DRC10: variants seen among roughly 807,000 people sequenced by gnomAD.
The protein encoded by DRC10 is IQ domain-containing protein D.
At chr12:113,214,107 G>C in the DRC10 span, among the ~76,000 whole-genome samples, 1 of 152,082 alleles carries the variant, frequency 6.6e-6, no homozygotes, top group Non-Finnish European at 1.5e-5. Flanking sequence ...TTTATCTGAG[G>C]CTTTCAAGTC....
At chr12:113,218,424 C>T in the DRC10 span, among the ~76,000 whole-genome samples, 1 of 151,608 alleles carries the variant, frequency 6.6e-6, no homozygotes, top group Non-Finnish European at 1.5e-5. Flanking sequence ...GATTTACAGG[C>T]GTGAGCCACC....
chr12:113,199,399 C>CATAAATAAATAAATAA, the DRC10 span, among the ~76,000 whole-genome samples: 573 of 150,780 alleles, frequency 3.8e-3, 1 homozygote, highest in East Asian at 6.5e-3. Context: ...CTGTCTCAAA[C>CATAAATAAATAAATAA]ATAAATAAAT....
the DRC10 span, among the ~76,000 whole-genome samples, chr12:113,220,846 C>T: frequency 1.1e-3 from 165 of 152,252 alleles, 1 homozygote; most frequent in African/African-American, 3.9e-3. Flanking sequence ...GCGAAAGGTC[C>T]AGACTAAGGC....
chr12:113,208,340 G>T, the DRC10 span: 1 of 1,417,060 alleles, frequency 7.1e-7, no homozygotes, highest in Non-Finnish European at 9.2e-7. Flanking sequence ...CACAACTGTT[G>T]ACATCAAGAG....
the DRC10 span, chr12:113,208,170 G>A: frequency 6.2e-7 from 1 of 1,609,122 alleles, no homozygotes; most frequent in Non-Finnish European, 8.5e-7. Context: ...AAGCCATCTT[G>A]TGAGCAGCCC....
At chr12:113,195,684 T>C in the DRC10 span, 1 of 1,613,684 alleles carries the variant, frequency 6.2e-7, no homozygotes, top group South Asian at 1.1e-5. Flanking sequence ...GCGCACCAGA[T>C]AGCCCTTCCA....
the DRC10 span, chr12:113,195,596 C>T: frequency 8.7e-6 from 14 of 1,602,964 alleles, no homozygotes; most frequent in South Asian, 2.2e-5. Flanking sequence ...CCTTGCCCTT[C>T]TCCTTGCCTT....
the DRC10 span, among the ~76,000 whole-genome samples, chr12:113,202,033 G>A: frequency 5.3e-5 from 8 of 152,220 alleles, no homozygotes; most frequent in Non-Finnish European, 2.9e-5. Context: ...CCCCAAGCTG[G>A]TTCTAGCACC....
chr12:113,209,868 G>A, the DRC10 span, among the ~76,000 whole-genome samples: 2 of 152,246 alleles, frequency 1.3e-5, no homozygotes, highest in Non-Finnish European at 2.9e-5. Flanking sequence ...GCTCACACCT[G>A]TAATCACAGC....
the DRC10 span, among the ~76,000 whole-genome samples, chr12:113,218,070 T>C: frequency 6.6e-6 from 1 of 152,032 alleles, no homozygotes; most frequent in African/African-American, 2.4e-5. Context: ...ATTGGCAGGA[T>C]AGTTCCCCAC....
At chr12:113,204,659 A>G in the DRC10 span, among the ~76,000 whole-genome samples, 1 of 152,190 alleles carries the variant, frequency 6.6e-6, no homozygotes, top group African/African-American at 2.4e-5. Flanking sequence ...GGTGGCTCAC[A>G]CATGTAATTC....
At chr12:113,198,774 T>A in the DRC10 span, among the ~76,000 whole-genome samples, 2 of 152,172 alleles carry the variant, frequency 1.3e-5, no homozygotes, top group Non-Finnish European at 2.9e-5. Flanking sequence ...TTAAAATGGT[T>A]TTATGTTATG....
At chr12:113,212,916 T>C in the DRC10 span, among the ~76,000 whole-genome samples, 2 of 152,230 alleles carry the variant, frequency 1.3e-5, no homozygotes, top group South Asian at 2.1e-4. Flanking sequence ...GAAACTTTAA[T>C]TGGATATTCC....
chr12:113,195,958 C>T, the DRC10 span: 3 of 1,516,366 alleles, frequency 2.0e-6, no homozygotes, highest in South Asian at 3.8e-5. Flanking sequence ...CCCTGAGGCC[C>T]CCTTACCCTT....
chr12:113,204,945 G>A, the DRC10 span, among the ~76,000 whole-genome samples: 1 of 150,604 alleles, frequency 6.6e-6, no homozygotes, highest in Non-Finnish European at 1.5e-5. Context: ...AAAATAGTTC[G>A]CTGATCCCTA....
At chr12:113,199,803 C>T in the DRC10 span, among the ~76,000 whole-genome samples, 1 of 152,112 alleles carries the variant, frequency 6.6e-6, no homozygotes, top group Non-Finnish European at 1.5e-5. Flanking sequence ...CTGCAGCCTC[C>T]AAACTCCTGG....
chr12:113,195,489 A>T, the DRC10 span: 2 of 1,464,700 alleles, frequency 1.4e-6, no homozygotes, highest in South Asian at 2.9e-5. Flanking sequence ...AAAACATGAA[A>T]GCCGTGAATT....
the DRC10 span, among the ~76,000 whole-genome samples, chr12:113,215,193 C>T: frequency 2.0e-5 from 3 of 152,220 alleles, no homozygotes; most frequent in African/African-American, 7.2e-5. Flanking sequence ...TTCCTCATTA[C>T]TGAAGTGGAA....
At chr12:113,221,085 C>T in the DRC10 span, 1 of 439,608 alleles carries the variant, frequency 2.3e-6, no homozygotes, top group South Asian at 1.6e-5. Context: ...GAAGGCGAGA[C>T]TCGGTGTCTG....
Sources: gnomAD v4.1 joint callset for allele counts (sites outside exome capture counted in the v4.1 genomes callset) on GRCh38, gnomAD v4.1.1 for gene constraint, MANE v1.5 for transcripts, NCBI Gene and HGNC (gene_info 2026-07-23, HGNC 2026-07-21) for gene names.